Variants in ADCY6 observed in about 807,000 individuals in gnomAD.
The protein encoded by ADCY6 is adenylate cyclase 6, also known as adenylate cyclase type 6.
Under a neutral mutation model 111.6 loss-of-function variants are expected in ADCY6, and 59 were observed. That is an observed-to-expected ratio of 0.53 (90% CI 0.43 to 0.66). The LOEUF is 0.66. Ranked by LOEUF, ADCY6 falls within the 30% of genes least tolerant of loss-of-function variation. The pLI, the probability that ADCY6 is intolerant of heterozygous loss-of-function variation, is 0.00. For missense variants in ADCY6, 1,242 were observed against 1,595.6 expected, an observed-to-expected ratio of 0.78 and a Z score of 3.78; for synonymous variants, 576 against 642.9, an observed-to-expected ratio of 0.90 and a Z score of 1.57.
Position 48,768,368 on chromosome 12 carries a change from G to C in ADCY6, c.*223C>G. ...TGGAGAGGGAACAGCCCTACCCCAAGTAAGAAAGAAAGTCACTTGCATAAT... is the reference window on the plus strand; with the variant it reads ...TGGAGAGGGAACAGCCCTACCCCAACTAAGAAAGAAAGTCACTTGCATAAT... On this transcript the variant is annotated 3_prime_UTR_variant, in exon 22 of 22. Coordinates refer to ENST00000357869, the MANE Select transcript of ADCY6 (RefSeq NM_015270.5). 1.6e-6 allele frequency: 1 copy of C among 638,044 alleles called. No homozygotes were observed. The highest frequency in any genetic ancestry group is 1.9e-5 in the South Asian group (1 of 53,118). 39.5% of individuals were successfully genotyped at this position (638,044 alleles called of 1,614,324 possible).
In ADCY6 at chr12:48,771,588, C is replaced by G; in HGVS notation, c.3051+122G>C. The G allele has an allele frequency of 6.7e-7, 1 of 1,491,868 alleles. No homozygotes were observed. Among genetic ancestry groups the G allele is most frequent in the Middle Eastern group, 1.7e-4 (1 of 5,866 alleles). 92.4% of individuals were successfully genotyped at this position (1,491,868 alleles called of 1,614,324 possible). ...TCTGCCTCCACTGTGCATACCCTTA[C>G]CCCTGATGACTCTGGGTCCCATCAA... is the stretch of plus-strand genomic sequence containing the variant. On this transcript the variant is annotated intron_variant, in intron 19 of 21. Transcript: ENST00000357869. This position sits in a 1 kb window ranked among gnomAD's most constrained non-coding sequence, Gnocchi z 4.3.
chr12:48,773,657 TGGCAGAGGCAGCGTTGGGTGAA>T lies in ADCY6; in HGVS notation c.2443-32_2443-11del. ...TGTTCCCGATGAAGTACTGCGGGGGTGGCAGAGGCAGCGTTGGGTGAAGGCAGAGGCCACAGCACCCTTGGGC... is the reference window on the plus strand; with the variant it reads ...TGTTCCCGATGAAGTACTGCGGGGGTGGCAGAGGCCACAGCACCCTTGGGC... On this transcript the variant is annotated splice_polypyrimidine_tract_variant and intron_variant, in intron 15 of 21. Transcript: ENST00000357869. 5 of 1,613,780 alleles carry T rather than the reference TGGCAGAGGCAGCGTTGGGTGAA, an allele frequency of 3.1e-6. No individual in the cohort carries two copies. The highest frequency in any genetic ancestry group is 4.2e-6 in the Non-Finnish European group (5 of 1,179,962).
At chr12:48,772,973 C>T (rs1279768223) in intron 16 of ADCY6, among the ~76,000 whole-genome samples, 11 of 152,190 alleles carry the variant, frequency 7.2e-5, no homozygotes, top group Admixed American at 7.2e-4. Flanking sequence ...ACTCACCTGT[C>T]TAAAGTCACA....
At chr12:48,785,607 G>A (rs985674983) in intron 1 of ADCY6, among the ~76,000 whole-genome samples, 3 of 152,106 alleles carry the variant, frequency 2.0e-5, no homozygotes, top group Admixed American at 1.3e-4. Context: ...CAATAAGAGC[G>A]AAACTCCATC....
chr12:48,772,002 C>T, intron 18 of ADCY6, 29 bp from the exon 19 acceptor site: 2 of 1,586,240 alleles, frequency 1.3e-6, no homozygotes, highest in Non-Finnish European at 1.7e-6. Flanking sequence ...TCACCCATTG[C>T]CCGACATTCA....
Position 48,776,634 on chromosome 12 carries a change from C to G in ADCY6, c.1377-48G>C. On this transcript the variant is annotated intron_variant, in intron 6 of 21. Coordinates refer to ENST00000357869, the MANE Select transcript of ADCY6 (RefSeq NM_015270.5). The surrounding 1 kb of genome is among the most constrained non-coding windows in gnomAD (Gnocchi z 6.1). ...CAGCTCCTGGCAGTCTTCCCCTCCC[C>G]CAGCCCACAACCCAGGCCCTTCACT... The G allele has an allele frequency of 6.4e-7, 1 of 1,568,574 alleles. No homozygotes were observed. The highest frequency in any genetic ancestry group is 1.3e-5 in the African/African-American group (1 of 74,748).
intron 2 of ADCY6, among the ~76,000 whole-genome samples, chr12:48,779,164 A>G (rs1250804391): frequency 6.6e-6 from 1 of 152,022 alleles, no homozygotes; most frequent in Non-Finnish European, 1.5e-5. Flanking sequence ...GGCATGGATT[A>G]CAGGCATGAT....
Position 48,776,668 on chromosome 12 carries a change from G to A in ADCY6, c.1377-82C>T. The stretch of plus-strand genomic sequence containing the variant: ...AACCCAGGCCCTTCACTCCTCTCAG[G>A]GCCCAGCGGGCAAGGACAGACCCAG... On this transcript the variant is annotated intron_variant, in intron 6 of 21. Transcript: ENST00000357869. The surrounding 1 kb of genome is among the most constrained non-coding windows in gnomAD (Gnocchi z 6.1). 6.6e-7 allele frequency: 1 copy of A among 1,508,834 alleles called. No individual in the cohort carries two copies. The highest frequency in any genetic ancestry group is 8.9e-7 in the Non-Finnish European group (1 of 1,129,820). 93.5% of individuals were successfully genotyped at this position (1,508,834 alleles called of 1,614,324 possible).
chr12:48,789,624 G>C (rs1942048684), upstream of ADCY6: 1 of 138,918 alleles, frequency 7.2e-6, no homozygotes, highest in Non-Finnish European at 1.5e-5. Flanking sequence ...TGCCTGTCAC[G>C]GCCCTGCGCC....
Position 48,782,221 on chromosome 12 carries a change from G to C in ADCY6, c.864+350C>G, listed in dbSNP as rs1462490443. Among the ~76,000 whole-genome samples, 3 of 152,048 alleles carry C rather than the reference G, an allele frequency of 2.0e-5. No individual in the cohort carries two copies. Among genetic ancestry groups the C allele is most frequent in the Non-Finnish European group, 4.4e-5 (3 of 67,980 alleles). On this transcript the variant is annotated intron_variant, in intron 2 of 21. Transcript: ENST00000357869. This position sits in a 1 kb window ranked among gnomAD's most constrained non-coding sequence, Gnocchi z 4.3. ...GCCTTTTCAGCCCCACGGTGGCCCT[G>C]GGGCTATATACCACACCCCTGCCTC...
rs1244144442 is a variant in ADCY6 at position 48,768,733 on chromosome 12, G to C, written c.3382-17C>G. 4 of 1,612,826 alleles carry C rather than the reference G, an allele frequency of 2.5e-6. No homozygotes were observed. The highest frequency in any genetic ancestry group is 3.4e-6 in the Non-Finnish European group (4 of 1,179,200). On this transcript the variant is annotated splice_polypyrimidine_tract_variant and intron_variant, in intron 21 of 21. Transcript: ENST00000357869. Reference sequence around the variant, plus strand: ...CGTGGTCACCTGGGGGAGTGGGAGGGGAGCCCGCTTAGCCTGGAATCCTTC... The same window carrying C: ...CGTGGTCACCTGGGGGAGTGGGAGGCGAGCCCGCTTAGCCTGGAATCCTTC...
intron 2 of ADCY6, among the ~76,000 whole-genome samples, chr12:48,778,594 C>T (rs777771544): frequency 2.6e-5 from 4 of 152,226 alleles, no homozygotes; most frequent in Non-Finnish European, 5.9e-5. Flanking sequence ...AAGACAAACG[C>T]TGCTCCTTTT....
intron 21 of ADCY6, 22 bp downstream of exon 21, chr12:48,768,915 C>T (rs760047655): frequency 1.3e-6 from 2 of 1,596,104 alleles, no homozygotes; most frequent in African/African-American, 2.7e-5. Context: ...TTCCTCCCAG[C>T]CCCTGCTCAT....
At position 48,777,040 on chromosome 12, in the gene ADCY6, A is replaced by G. The variant is rs1373090400; in HGVS notation, c.1376+64T>C. 1 of 1,521,694 alleles carries G rather than the reference A, an allele frequency of 6.6e-7. No homozygotes were observed. The highest frequency in any genetic ancestry group is 2.2e-5 in the Admixed American group (1 of 46,142). The allele number at this position is 1,521,694 out of a possible 1,614,324, so 94.3% of individuals were successfully genotyped here. A position where few individuals can be genotyped will look rare whatever the true frequency, so the allele number is the denominator to read the frequency against. On this transcript the variant is annotated intron_variant, in intron 6 of 21. Transcript: ENST00000357869. This position sits in a 1 kb window ranked among gnomAD's most constrained non-coding sequence, Gnocchi z 4.9. ...TGAGGAAATCTCCTGAGGTCTCATCAAAAAGTAGGAGCAGTCTGGGGCACC... is the reference window on the plus strand; with the variant it reads ...TGAGGAAATCTCCTGAGGTCTCATCGAAAAGTAGGAGCAGTCTGGGGCACC...
chr12:48,772,953 A>G (rs35765758), intron 16 of ADCY6, among the ~76,000 whole-genome samples: 31,931 of 152,222 alleles, frequency 0.21, 4,644 homozygotes, highest in African/African-American at 0.42. Context: ...ATTGAGGCTC[A>G]GAGAAGCTAA....
At chr12:48,779,908 T>C (rs1409822431) in intron 2 of ADCY6, among the ~76,000 whole-genome samples, 2 of 152,164 alleles carry the variant, frequency 1.3e-5, no homozygotes, top group Admixed American at 1.3e-4. Context: ...GGCTCACCCC[T>C]AGCCATTTCC....
intron 2 of ADCY6, 92 bp from the exon 3 acceptor site, chr12:48,778,349 G>A: frequency 2.6e-6 from 4 of 1,541,518 alleles, no homozygotes; most frequent in African/African-American, 1.4e-5. Context: ...TAGGTTCTCT[G>A]AGGAAGGAAG....
At chr12:48,770,694 C>T (rs1056416532) in intron 20 of ADCY6, 72 bp downstream of exon 20, 3 of 1,493,040 alleles carry the variant, frequency 2.0e-6, no homozygotes, top group African/African-American at 1.4e-5. Context: ...GTGATCCCAT[C>T]CCCAGCCTAT....
chr12:48,772,609 G>A, intron 16 of ADCY6, 66 bp from the exon 17 acceptor site: 1 of 1,581,874 alleles, frequency 6.3e-7, no homozygotes, highest in Non-Finnish European at 8.7e-7. Flanking sequence ...GCACATGGAA[G>A]GGGAGACAAG....
Sources: allele counts gnomAD v4.1 joint callset (sites outside exome capture counted in the v4.1 genomes callset), GRCh38; gene constraint gnomAD v4.1.1; non-coding constraint Gnocchi (gnomAD v3.1); transcripts MANE v1.5; gene names NCBI Gene and HGNC (gene_info 2026-07-23, HGNC 2026-07-21).